The following ME2 variants were observed in gnomAD, a reference collection of about 807,000 sequenced individuals.
ME2 encodes the protein NAD-dependent malic enzyme, mitochondrial.
In ME2, 60 loss-of-function variants were observed where a neutral mutation model predicts 73.7. The observed-to-expected ratio is 0.81, with a 90% CI of 0.66 to 1.01. The LOEUF (loss-of-function observed/expected upper bound fraction) is 1.01, where lower values mean the gene tolerates loss of function less well. ME2 is among the 50% of genes least tolerant of loss of function. The pLI is 0.00. For missense variants in ME2, 594 were observed against 705.5 expected, an observed-to-expected ratio of 0.84 and a Z score of 1.79; for synonymous variants, 199 against 236.9, an observed-to-expected ratio of 0.84 and a Z score of 1.47.
intron 13 of ME2, among the ~76,000 whole-genome samples, chr18:50,937,913 C>G (rs1451863858): frequency 1.3e-5 from 2 of 152,088 alleles, no homozygotes; most frequent in Admixed American, 6.6e-5. Context: ...GAACATTTCC[C>G]AAAACTGAAA....
chr18:50,880,938 T>A (rs1916305691), intron 1 of ME2, among the ~76,000 whole-genome samples: 1 of 152,238 alleles, frequency 6.6e-6, no homozygotes, highest in African/African-American at 2.4e-5. Context: ...GAACTTCTTT[T>A]GTAAAATTAA....
At chr18:50,900,518 G>T (rs367667175) in intron 2 of ME2, among the ~76,000 whole-genome samples, 4 of 151,866 alleles carry the variant, frequency 2.6e-5, no homozygotes, top group African/African-American at 9.7e-5. Flanking sequence ...TGCTGACCTC[G>T]TGATCTGCCC....
At chr18:50,926,266 A>G (rs1469574754) in intron 12 of ME2, among the ~76,000 whole-genome samples, 1 of 152,166 alleles carries the variant, frequency 6.6e-6, no homozygotes, top group Non-Finnish European at 1.5e-5. Flanking sequence ...CTACCAGAAG[A>G]ATTCCTTTAT....
chr18:50,917,540 C>G (rs760348824), intron 6 of ME2, 32 bp downstream of exon 6: 20 of 1,466,018 alleles, frequency 1.4e-5, no homozygotes, highest in Non-Finnish European at 1.8e-5. Context: ...CTTTATCTTC[C>G]TCCTGTATTT....
At chr18:50,926,478 C>G (rs141587495) in intron 12 of ME2, among the ~76,000 whole-genome samples, 2 of 152,084 alleles carry the variant, frequency 1.3e-5, no homozygotes, top group African/African-American at 2.4e-5. Flanking sequence ...CGGACATATG[C>G]GTGGTTTTCT....
intron 1 of ME2, among the ~76,000 whole-genome samples, chr18:50,880,556 C>T (rs1916293670): frequency 1.3e-5 from 2 of 152,066 alleles, no homozygotes; most frequent in Admixed American, 1.3e-4. Context: ...GGGAGGCCGA[C>T]GTGGGTGGAT....
At chr18:50,943,479 T>G (rs997527487) in intron 15 of ME2, among the ~76,000 whole-genome samples, 1 of 152,056 alleles carries the variant, frequency 6.6e-6, no homozygotes, top group Admixed American at 6.6e-5. Context: ...GTTTTTTGCA[T>G]TTTTGGTACA....
At chr18:50,906,790 C>G (rs1332215751) in intron 2 of ME2, among the ~76,000 whole-genome samples, 1 of 152,164 alleles carries the variant, frequency 6.6e-6, no homozygotes, top group African/African-American at 2.4e-5. Context: ...AGCACTGAAC[C>G]AGGCAGTTTA....
At chr18:50,932,421 G>C in intron 13 of ME2, 61 bp downstream of exon 13, 1 of 1,296,080 alleles carries the variant, frequency 7.7e-7, no homozygotes, top group Non-Finnish European at 1.1e-6. Flanking sequence ...ATACTTAATG[G>C]AATTCTTTGG....
intron 1 of ME2, among the ~76,000 whole-genome samples, chr18:50,894,295 G>C (rs1262200347): frequency 6.6e-6 from 1 of 152,220 alleles, no homozygotes; most frequent in Non-Finnish European, 1.5e-5. Flanking sequence ...CGGGCGCGGT[G>C]GCCCACGCCT....
intron 3 of ME2, among the ~76,000 whole-genome samples, chr18:50,909,441 G>A (rs933178718): frequency 1.3e-4 from 20 of 152,146 alleles, no homozygotes; most frequent in African/African-American, 4.6e-4. Context: ...CTCAACTTGG[G>A]GAATCAGATA....
intron 12 of ME2, 146 bp from the exon 13 acceptor site, chr18:50,932,112 A>G: frequency 1.9e-6 from 1 of 527,294 alleles, no homozygotes; most frequent in Non-Finnish European, 3.4e-6. Context: ...GATTGTAACG[A>G]AAAGATTGTT....
chr18:50,906,763 T>G (rs181362658), intron 2 of ME2, among the ~76,000 whole-genome samples: 27 of 152,310 alleles, frequency 1.8e-4, no homozygotes, highest in Admixed American at 9.8e-4. Context: ...TCTGTGTGCA[T>G]GTTGCGGCAT....
chr18:50,951,637 G>A lies in ME2; in HGVS notation c.*4453G>A, dbSNP rs1483520415. On this transcript the variant is annotated 3_prime_UTR_variant, in exon 16 of 16. Transcript: ENST00000321341. ...CTCACGCCTATAATCCCAGCACTTT[G>A]GGAGGCCAAGGCAGGCGGATCACGA... 2 of 150,754 alleles carry A rather than the reference G, an allele frequency of 1.3e-5. No homozygotes were observed. Among genetic ancestry groups the A allele is most frequent in the Non-Finnish European group, 2.9e-5 (2 of 67,844 alleles). 9.3% of individuals were successfully genotyped at this position (150,754 alleles called of 1,614,324 possible).
Position 50,943,567 on chromosome 18 carries a change from G to A in ME2, c.1587+3181G>A, listed in dbSNP as rs146107699. On this transcript the variant is annotated intron_variant, in intron 15 of 15. Coordinates refer to ENST00000321341, the MANE Select transcript of ME2 (RefSeq NM_002396.5). ...GATCTGCCCACCTTGGCCTCCCAAA[G>A]TGCTGGGATTATAGATGTGAGCCAC... 7.9e-4 allele frequency among the ~76,000 whole-genome samples: 120 copies of A among 152,246 alleles called. 1 individual carries two copies. The highest frequency in any genetic ancestry group is 2.5e-3 in the African/African-American group (103 of 41,530).
At chr18:50,893,035 G>A (rs1303394973) in intron 1 of ME2, among the ~76,000 whole-genome samples, 8 of 145,262 alleles carry the variant, frequency 5.5e-5, no homozygotes, top group African/African-American at 2.1e-4. Context: ...TGGGGCAGGA[G>A]AATCACTTGA....
intron 2 of ME2, among the ~76,000 whole-genome samples, chr18:50,903,955 A>G (rs967833626): frequency 2.4e-4 from 36 of 152,212 alleles, no homozygotes; most frequent in African/African-American, 8.7e-4. Flanking sequence ...CATTATTGAA[A>G]GTGGGTATTA....
Position 50,952,887 on chromosome 18 carries a change from C to T in ME2, c.*5703C>T, listed in dbSNP as rs2144289333. The T allele has an allele frequency of 6.6e-6, 1 of 152,196 alleles. No individual in the cohort carries two copies. Among genetic ancestry groups the T allele is most frequent in the Non-Finnish European group, 1.5e-5 (1 of 68,010 alleles). The allele number at this position is 152,196 out of a possible 1,614,324, so 9.4% of individuals were successfully genotyped here. A position where few individuals can be genotyped will look rare whatever the true frequency, so the allele number is the denominator to read the frequency against. ...TTCTAAGGATCCGACATATTTAATC[C>T]TCTGTTTACCCTCTGTTTCTGTGCC... is the stretch of plus-strand genomic sequence containing the variant. On this transcript the variant is annotated 3_prime_UTR_variant, in exon 16 of 16. Coordinates refer to ENST00000321341, the MANE Select transcript of ME2 (RefSeq NM_002396.5).
chr18:50,932,437 G>C, intron 13 of ME2, 77 bp downstream of exon 13: 2 of 1,155,156 alleles, frequency 1.7e-6, no homozygotes, highest in East Asian at 2.5e-5. Context: ...TTTGGAATGG[G>C]AGACTGAACT....
Sources: gnomAD v4.1 joint callset for allele counts (sites outside exome capture counted in the v4.1 genomes callset) on GRCh38, gnomAD v4.1.1 for gene constraint, MANE v1.5 for transcripts, NCBI Gene and HGNC (gene_info 2026-07-23, HGNC 2026-07-21) for gene names.